Variants in ADGRL3 observed in about 807,000 individuals in gnomAD.
The protein encoded by ADGRL3 is calcium-independent alpha-latrotoxin receptor 3.
Under a neutral mutation model 153.5 loss-of-function variants are expected in ADGRL3, and 62 were observed. The ratio of observed to expected loss-of-function variants is 0.40; its 90% confidence interval spans 0.33 to 0.50. The LOEUF (loss-of-function observed/expected upper bound fraction) is 0.50. Among genes scored for constraint, ADGRL3 ranks in the 20% least tolerant of loss-of-function variants. ADGRL3 has a pLI of 0.47. For synonymous variants in ADGRL3, 710 were observed against 672.5 expected, an observed-to-expected ratio of 1.06 and a Z score of -0.86; for missense variants, 1,641 against 1,859.4, an observed-to-expected ratio of 0.88 and a Z score of 2.16.
chr4:61,973,462 C>T (rs2099036750), intron 17 of ADGRL3, among the ~76,000 whole-genome samples: 1 of 151,924 alleles, frequency 6.6e-6, no homozygotes, highest in Non-Finnish European at 1.5e-5. Flanking sequence ...GTAAGTTTTA[C>T]AAATATTTTA....
chr4:61,749,745 A>T (rs2096727376), intron 8 of ADGRL3, among the ~76,000 whole-genome samples: 1 of 152,118 alleles, frequency 6.6e-6, no homozygotes, highest in Admixed American at 6.5e-5. Context: ...GCTTTAGGAG[A>T]TATACCTAAT....
chr4:61,349,921 G>A (rs560319794), intron 1 of ADGRL3, among the ~76,000 whole-genome samples: 1 of 152,124 alleles, frequency 6.6e-6, no homozygotes, highest in East Asian at 1.9e-4. Flanking sequence ...TTTTCAGTTA[G>A]CCACTGAAAA....
chr4:61,411,457 C>A (rs1401161310), intron 2 of ADGRL3, among the ~76,000 whole-genome samples: 1 of 152,148 alleles, frequency 6.6e-6, no homozygotes, highest in Non-Finnish European at 1.5e-5. Context: ...TTCCAGGCAT[C>A]CCTCCTCCAT....
intron 1 of ADGRL3, among the ~76,000 whole-genome samples, chr4:61,355,901 G>A (rs531458933): frequency 6.6e-6 from 1 of 152,194 alleles, no homozygotes; most frequent in Admixed American, 6.5e-5. Context: ...AAGTTTTGAA[G>A]TGTAATCTTG....
rs114955888 is a variant in ADGRL3 at position 61,793,586 on chromosome 4, C to A, written c.1400-20223C>A. ...ATTCAAGATGAGATTTGGGTGGGGA[C>A]ACAGCCAAACCATGTCAGGCTCCCA... is the stretch of plus-strand genomic sequence containing the variant. On this transcript the variant is annotated intron_variant, in intron 8 of 26. Transcript: ENST00000683033. 6.5e-3 allele frequency among the ~76,000 whole-genome samples: 984 copies of A among 152,184 alleles called. 12 individuals carry two copies. The highest frequency in any genetic ancestry group is 0.023 in the African/African-American group (936 of 41,508).
rs372450553 is a variant in ADGRL3, at chr4:61,306,640, C to A, written c.-239-76484C>A. 1.9e-4 allele frequency among the ~76,000 whole-genome samples: 29 copies of A among 152,292 alleles called. 1 individual carries two copies. Among genetic ancestry groups the A allele is most frequent in the African/African-American group, 7.0e-4 (29 of 41,556 alleles). ...TCTGGAAAAGCTTTCATTTCTCCAA[C>A]TCTAGGATTAGCCTGTGCTTTAAAA... On this transcript the variant is annotated intron_variant, in intron 1 of 26. Transcript: ENST00000683033.
chr4:61,217,985 A>C (rs1035123405), intron 1 of ADGRL3, among the ~76,000 whole-genome samples: 1 of 152,238 alleles, frequency 6.6e-6, no homozygotes, highest in Non-Finnish European at 1.5e-5. Flanking sequence ...ATTATTGTTT[A>C]GTAAAGACAG....
chr4:61,792,562 T>G (rs931728370), intron 8 of ADGRL3, among the ~76,000 whole-genome samples: 6 of 151,758 alleles, frequency 4.0e-5, no homozygotes, highest in Non-Finnish European at 8.8e-5. Flanking sequence ...TGATCTCGGC[T>G]CACTGCAACC....
intron 1 of ADGRL3, among the ~76,000 whole-genome samples, chr4:61,239,669 A>C (rs143466729): frequency 5.9e-5 from 9 of 152,238 alleles, no homozygotes; most frequent in Non-Finnish European, 1.0e-4. Flanking sequence ...AAAACAGGAA[A>C]AAAGAAGAAG....
intron 17 of ADGRL3, among the ~76,000 whole-genome samples, chr4:61,972,519 C>G (rs1235567147): frequency 6.6e-6 from 1 of 152,100 alleles, no homozygotes; most frequent in Non-Finnish European, 1.5e-5. Flanking sequence ...TGATCTAAAT[C>G]TCTGTTTTGG....
intron 1 of ADGRL3, among the ~76,000 whole-genome samples, chr4:61,313,662 C>T (rs2095098269): frequency 6.6e-6 from 1 of 152,180 alleles, no homozygotes; most frequent in African/African-American, 2.4e-5. Context: ...TTTCTAGTCA[C>T]AAGAGCATTA....
At chr4:61,911,803 G>A (rs1394426997) in intron 12 of ADGRL3, among the ~76,000 whole-genome samples, 1 of 151,718 alleles carries the variant, frequency 6.6e-6, no homozygotes, top group Non-Finnish European at 1.5e-5. Flanking sequence ...CTTAAAACTG[G>A]GTAATTTTCT....
Position 61,286,458 on chromosome 4 carries a change from G to C in ADGRL3, c.-240+84693G>C, listed in dbSNP as rs2093946788. 4.6e-5 allele frequency among the ~76,000 whole-genome samples: 7 copies of C among 151,384 alleles called. 1 individual carries two copies. Among genetic ancestry groups the C allele is most frequent in the Admixed American group, 4.6e-4 (7 of 15,160 alleles). ...TTTATAGTCATTTATATTTCTTTGA[G>C]AGTAAAATTTAAAATTTTTTTCTAG... is the stretch of plus-strand genomic sequence containing the variant. On this transcript the variant is annotated intron_variant, in intron 1 of 26. Transcript: ENST00000683033.
chr4:61,511,555 T>G (rs2098463723), intron 3 of ADGRL3, among the ~76,000 whole-genome samples: 1 of 152,180 alleles, frequency 6.6e-6, no homozygotes, highest in South Asian at 2.1e-4. Context: ...ACTACAAAAG[T>G]TTATCTTACT....
chr4:61,560,544 G>T (rs1255458604), intron 4 of ADGRL3, among the ~76,000 whole-genome samples: 7 of 152,096 alleles, frequency 4.6e-5, no homozygotes, highest in Non-Finnish European at 8.8e-5. Flanking sequence ...TAGTAACTAT[G>T]GGGGATACCT....
intron 1 of ADGRL3, among the ~76,000 whole-genome samples, chr4:61,364,842 G>A (rs1293712160): frequency 6.6e-6 from 1 of 152,114 alleles, no homozygotes; most frequent in African/African-American, 2.4e-5. Flanking sequence ...TTTTCTCTTC[G>A]ATAGTACCTG....
chr4:61,695,566 C>T (rs1175812658), intron 6 of ADGRL3, among the ~76,000 whole-genome samples: 1 of 152,026 alleles, frequency 6.6e-6, no homozygotes, highest in Non-Finnish European at 1.5e-5. Context: ...TCTGAATTGC[C>T]CTAGGATTTC....
intron 4 of ADGRL3, among the ~76,000 whole-genome samples, chr4:61,586,269 C>G (rs2098946257): frequency 6.6e-6 from 1 of 151,782 alleles, no homozygotes; most frequent in Non-Finnish European, 1.5e-5. Flanking sequence ...TAGGTTTTCT[C>G]AAATATATTA....
chr4:61,344,929 G>A (rs908723940), intron 1 of ADGRL3, among the ~76,000 whole-genome samples: 2 of 151,476 alleles, frequency 1.3e-5, no homozygotes, highest in Admixed American at 6.6e-5. Flanking sequence ...TGGGATTATA[G>A]GTGCCTGCCA....
Sources: allele counts gnomAD v4.1 joint callset (sites outside exome capture counted in the v4.1 genomes callset), GRCh38; gene constraint gnomAD v4.1.1; transcripts MANE v1.5; gene names NCBI Gene and HGNC (gene_info 2026-07-23, HGNC 2026-07-21).